MGMT: variants seen among roughly 807,000 people sequenced by gnomAD.
The protein encoded by MGMT is O-6-methylguanine-DNA methyltransferase.
Under a neutral mutation model 15.9 loss-of-function variants are expected in MGMT, and 14 were observed. The observed-to-expected ratio is 0.88, with a 90% CI of 0.58 to 1.37. The LOEUF (loss-of-function observed/expected upper bound fraction) is 1.37. Among genes scored for constraint, MGMT ranks in the 40% most tolerant of loss-of-function variants. The probability of loss-of-function intolerance (pLI) is 0.00; values close to 1 mark genes in which losing one functional copy is unlikely to be tolerated. For missense variants in MGMT, 282 were observed against 268.1 expected (o/e 1.05, Z -0.36); for synonymous variants, 130 against 118.2 (o/e 1.10, Z -0.65).
In MGMT at chr10:129,566,227, T is replaced by G. The variant is rs967811753; in HGVS notation, c.125+29850T>G. ...CTGGACTTCCAGCCTGCTTCTTGGC[T>G]GTCTAGGTGCCAGGGGCTCGGGACA... On this transcript the variant is annotated intron_variant, in intron 2 of 4. Transcript: ENST00000651593. The surrounding 1 kb of genome is among the most constrained non-coding windows in gnomAD (Gnocchi z 4.1). 6.6e-6 allele frequency among the ~76,000 whole-genome samples: 1 copy of G among 152,162 alleles called. No individual in the cohort carries two copies. Among genetic ancestry groups the G allele is most frequent in the Non-Finnish European group, 1.5e-5 (1 of 68,034 alleles).
At chr10:129,572,528 G>A (rs372985796) in intron 2 of MGMT, among the ~76,000 whole-genome samples, 48 of 152,104 alleles carry the variant, frequency 3.2e-4, no homozygotes, top group Admixed American at 2.8e-3. Flanking sequence ...GCATGATTCC[G>A]CTCTCGGAGC....
intron 2 of MGMT, among the ~76,000 whole-genome samples, chr10:129,683,948 C>T (rs1847879663): frequency 6.6e-6 from 1 of 152,194 alleles, no homozygotes; most frequent in Non-Finnish European, 1.5e-5. Flanking sequence ...GTACCTCCAG[C>T]CCCCATCATC....
chr10:129,733,425 ATTTG>A (rs1341018496), intron 3 of MGMT, among the ~76,000 whole-genome samples: 1 of 150,850 alleles, frequency 6.6e-6, no homozygotes, highest in East Asian at 2.0e-4. Context: ...TTTCTTGTAA[ATTTG>A]TTTGAGTTCA....
chr10:129,757,248 T>TATA (rs1452939302), intron 3 of MGMT, among the ~76,000 whole-genome samples: 1 of 152,228 alleles, frequency 6.6e-6, no homozygotes, highest in Non-Finnish European at 1.5e-5. Context: ...ATTGTTTTAT[T>TATA]ATACGATACT....
chr10:129,740,087 C>T (rs141628378), intron 3 of MGMT, among the ~76,000 whole-genome samples: 11 of 152,208 alleles, frequency 7.2e-5, no homozygotes, highest in South Asian at 4.1e-4. Context: ...TGTATTTTCT[C>T]GTTAGCAGAG....
chr10:129,508,706 G>A (rs966312118), intron 1 of MGMT, among the ~76,000 whole-genome samples: 4 of 151,752 alleles, frequency 2.6e-5, no homozygotes, highest in Admixed American at 6.6e-5. Context: ...CCACATGCCC[G>A]GCTGACTTTT....
intron 2 of MGMT, among the ~76,000 whole-genome samples, chr10:129,606,009 C>T (rs1034380950): frequency 1.7e-4 from 26 of 152,176 alleles, no homozygotes; most frequent in Non-Finnish European, 3.2e-4. Context: ...GTGAGGGCTG[C>T]GCAGTGCCTC....
chr10:129,496,563 A>G (rs945231), intron 1 of MGMT, among the ~76,000 whole-genome samples: 59,059 of 151,952 alleles, frequency 0.39, 12,693 homozygotes, highest in East Asian at 0.63. Context: ...CATCTGCTCT[A>G]GGTGGCCTGA....
intron 2 of MGMT, among the ~76,000 whole-genome samples, chr10:129,690,043 C>T (rs536729929): frequency 4.6e-5 from 7 of 152,262 alleles, no homozygotes; most frequent in African/African-American, 7.2e-5. Context: ...TGGGTGGAAC[C>T]GAAAGCTGAA....
chr10:129,607,881 G>A (rs1476901329), intron 2 of MGMT, among the ~76,000 whole-genome samples: 1 of 152,218 alleles, frequency 6.6e-6, no homozygotes, highest in Non-Finnish European at 1.5e-5. Context: ...CAGTGGACAA[G>A]AGCAAGAGGA....
intron 1 of MGMT, among the ~76,000 whole-genome samples, chr10:129,525,873 A>G (rs1309198289): frequency 6.6e-6 from 1 of 152,250 alleles, no homozygotes; most frequent in East Asian, 1.9e-4. Context: ...CCCTTTTTCC[A>G]GGGCTCCCGT....
intron 2 of MGMT, among the ~76,000 whole-genome samples, chr10:129,619,451 C>T (rs1228699792): frequency 6.6e-6 from 1 of 152,096 alleles, no homozygotes; most frequent in Non-Finnish European, 1.5e-5. Flanking sequence ...GGATACTGGT[C>T]TGCAGTTTTC....
At chr10:129,622,555 A>G (rs762913972) in intron 2 of MGMT, among the ~76,000 whole-genome samples, 1 of 152,254 alleles carries the variant, frequency 6.6e-6, no homozygotes, top group Non-Finnish European at 1.5e-5. Flanking sequence ...TTAAGTGTAC[A>G]CAGAGGTATG....
At chr10:129,624,256 G>T (rs1433209722) in intron 2 of MGMT, among the ~76,000 whole-genome samples, 2 of 152,240 alleles carry the variant, frequency 1.3e-5, no homozygotes, top group African/African-American at 4.8e-5. Context: ...TTTCCTGGCA[G>T]CCCTGGGGAT....
Position 129,638,429 on chromosome 10 carries a change from CA to C in MGMT, c.126-69450del. ...GAAGTCCAAGAGAGGACCAAAGAGG[CA>C]AAAAAAAAAAAAAAAGAAAAAAAAA... is the stretch of plus-strand genomic sequence containing the variant. On this transcript the variant is annotated intron_variant, in intron 2 of 4. Coordinates refer to ENST00000651593, the MANE Select transcript of MGMT (RefSeq NM_002412.5). Among the ~76,000 whole-genome samples the C allele has an allele frequency of 5.5e-3, 337 of 61,760 alleles. 4 individuals are homozygous for C. Among genetic ancestry groups the C allele is most frequent in the South Asian group, 0.015 (19 of 1,298 alleles). 40.5% of individuals were successfully genotyped at this position (61,760 alleles called of 152,430 possible). A position where few individuals can be genotyped will look rare whatever the true frequency, so the allele number is the denominator to read the frequency against.
intron 2 of MGMT, among the ~76,000 whole-genome samples, chr10:129,570,612 T>A (rs1846406692): frequency 6.6e-6 from 1 of 152,254 alleles, no homozygotes; most frequent in Non-Finnish European, 1.5e-5. Context: ...GAGTTCTGTT[T>A]TTCATATCTG....
chr10:129,625,739 G>A (rs1336824302), intron 2 of MGMT, among the ~76,000 whole-genome samples: 4 of 94 alleles, frequency 0.043, no homozygotes, highest in Admixed American at 0.25. Flanking sequence ...GTGTGTGCGT[G>A]TGTGTGCATG....
chr10:129,474,814 C>T (rs1845272087), intron 1 of MGMT, among the ~76,000 whole-genome samples: 1 of 152,188 alleles, frequency 6.6e-6, no homozygotes, highest in African/African-American at 2.4e-5. Context: ...GCTGGTGCGG[C>T]TGAGTGTGCC....
chr10:129,750,822 T>G (rs1221089264), intron 3 of MGMT, among the ~76,000 whole-genome samples: 1 of 152,144 alleles, frequency 6.6e-6, no homozygotes, highest in African/African-American at 2.4e-5. Flanking sequence ...CTTTTACCAA[T>G]GCCACCCTGT....
Sources: allele counts gnomAD v4.1 joint callset (sites outside exome capture counted in the v4.1 genomes callset), GRCh38; gene constraint gnomAD v4.1.1; non-coding constraint Gnocchi (gnomAD v3.1); transcripts MANE v1.5; gene names NCBI Gene and HGNC (gene_info 2026-07-23, HGNC 2026-07-21).